Variants in SIPA1L1 observed in about 807,000 individuals in gnomAD.
The protein encoded by SIPA1L1 is signal-induced proliferation-associated 1-like protein 1.
Under a neutral mutation model 162.7 loss-of-function variants are expected in SIPA1L1, and 26 were observed. The ratio of observed to expected loss-of-function variants is 0.16; its 90% CI spans 0.12 to 0.22. The LOEUF is 0.22. Ranked by LOEUF, SIPA1L1 falls within the 10% of genes least tolerant of loss-of-function variation. The pLI, the probability that SIPA1L1 is intolerant of heterozygous loss-of-function variation, is 1.00. For missense variants in SIPA1L1, 1,874 were observed against 2,241.0 expected, an observed-to-expected ratio of 0.84 and a Z score of 3.31; for synonymous variants, 829 against 837.4, an observed-to-expected ratio of 0.99 and a Z score of 0.17.
At chr14:71,697,180 G>A (rs1255521081) in intron 13 of SIPA1L1, among the ~76,000 whole-genome samples, 1 of 152,138 alleles carries the variant, frequency 6.6e-6, no homozygotes, top group Non-Finnish European at 1.5e-5. Flanking sequence ...GAATGGGGTG[G>A]AGAGAGCCTG....
chr14:71,543,481 G>T (rs1234112335), intron 4 of SIPA1L1, among the ~76,000 whole-genome samples: 1 of 152,102 alleles, frequency 6.6e-6, no homozygotes, highest in Non-Finnish European at 1.5e-5. Context: ...TTCTGAAATG[G>T]CTGTGCCATG....
rs538688067 is a variant in SIPA1L1 at position 71,730,534 on chromosome 14, A to G, written c.4861+233A>G. 6.6e-5 allele frequency among the ~76,000 whole-genome samples: 10 copies of G among 152,254 alleles called. No individual in the cohort carries two copies. The South Asian group carries it at 2.1e-3, about 32-fold the overall frequency. On this transcript the variant is annotated intron_variant, in intron 20 of 23. Coordinates refer to ENST00000381232, the MANE Select transcript of SIPA1L1 (RefSeq NM_001386936.1). ...CCCACACTGGACCCAAGACCTCCTG[A>G]GTTTGAATCTCCAAAAGAATAGTCT...
At chr14:71,687,554 A>C (rs551723273) in intron 13 of SIPA1L1, among the ~76,000 whole-genome samples, 1 of 152,310 alleles carries the variant, frequency 6.6e-6, no homozygotes, top group East Asian at 1.9e-4. Flanking sequence ...TTTTGATTCC[A>C]TGTTGAATTT....
In SIPA1L1 at chr14:71,647,258, G is replaced by A. The variant is rs192881475; in HGVS notation, c.1819-3077G>A. Among the ~76,000 whole-genome samples, 353 of 152,032 alleles carry A rather than the reference G, an allele frequency of 2.3e-3. 2 individuals are homozygous for A. The highest frequency in any genetic ancestry group is 4.1e-3 in the Non-Finnish European group (277 of 68,000). ...CATTCCTTTCACAACTGGCAAAACC[G>A]GTTTGTTCTGTCAGCAGGTGGAGCT... On this transcript the variant is annotated intron_variant, in intron 7 of 23. Coordinates refer to ENST00000381232, the MANE Select transcript of SIPA1L1 (RefSeq NM_001386936.1).
At chr14:71,480,583 G>A (rs1567082489) in intron 2 of SIPA1L1, among the ~76,000 whole-genome samples, 1 of 151,560 alleles carries the variant, frequency 6.6e-6, no homozygotes, top group Non-Finnish European at 1.5e-5. Flanking sequence ...CCAACATGGT[G>A]AGACCCCGTC....
intron 4 of SIPA1L1, among the ~76,000 whole-genome samples, chr14:71,545,548 A>G (rs934970690): frequency 3.9e-5 from 6 of 151,916 alleles, no homozygotes; most frequent in Non-Finnish European, 7.4e-5. Flanking sequence ...TATCCTGCAA[A>G]CCTCCTAAAT....
chr14:71,612,072 T>C (rs986042790), intron 5 of SIPA1L1, among the ~76,000 whole-genome samples: 3 of 152,234 alleles, frequency 2.0e-5, no homozygotes, highest in Admixed American at 6.5e-5. Context: ...CCTGCTGATA[T>C]ATGATGAAGC....
chr14:71,447,233 G>A (rs1004043551), intron 2 of SIPA1L1, among the ~76,000 whole-genome samples: 17 of 151,938 alleles, frequency 1.1e-4, no homozygotes, highest in African/African-American at 3.9e-4. Flanking sequence ...TTTTATGTTA[G>A]TATTGTAGTG....
At chr14:71,499,521 A>G (rs1014411449) in intron 2 of SIPA1L1, among the ~76,000 whole-genome samples, 3 of 152,156 alleles carry the variant, frequency 2.0e-5, no homozygotes, top group African/African-American at 7.2e-5. Context: ...GGAATATGTA[A>G]TTGTATCATA....
intron 2 of SIPA1L1, among the ~76,000 whole-genome samples, chr14:71,384,822 G>A (rs942378411): frequency 6.6e-6 from 1 of 152,148 alleles, no homozygotes; most frequent in Non-Finnish European, 1.5e-5. Context: ...CCTGACCCGC[G>A]TTTCCTTTTG....
chr14:71,526,197 C>T (rs1471643076), intron 3 of SIPA1L1, among the ~76,000 whole-genome samples: 2 of 152,120 alleles, frequency 1.3e-5, no homozygotes, highest in East Asian at 3.8e-4. Flanking sequence ...AAATGTTTTA[C>T]TTTTTTTATT....
chr14:71,541,593 C>T (rs1180545146), intron 4 of SIPA1L1, among the ~76,000 whole-genome samples: 2 of 152,072 alleles, frequency 1.3e-5, no homozygotes, highest in Admixed American at 6.6e-5. Context: ...GAGACCCTAT[C>T]GCTACATAAA....
At chr14:71,648,950 CA>C (rs2042395764) in intron 7 of SIPA1L1, among the ~76,000 whole-genome samples, 2 of 152,192 alleles carry the variant, frequency 1.3e-5, no homozygotes, top group East Asian at 1.9e-4. Context: ...ATCTGTCAAA[CA>C]GGGGTAATAT....
At chr14:71,446,865 G>GATCCTGCA (rs1160794547) in intron 2 of SIPA1L1, among the ~76,000 whole-genome samples, 1 of 138,634 alleles carries the variant, frequency 7.2e-6, no homozygotes, top group Non-Finnish European at 1.5e-5. Context: ...GAGTTAAGTA[G>GATCCTGCA]ATCCTGCAAA....
intron 7 of SIPA1L1, among the ~76,000 whole-genome samples, chr14:71,636,556 G>C (rs745591947): frequency 2.6e-5 from 4 of 152,132 alleles, no homozygotes; most frequent in Non-Finnish European, 5.9e-5. Context: ...GGCTGAGGGG[G>C]AAATTGACAG....
At chr14:71,330,410 C>G in intron 2 of SIPA1L1, 3 of 1,284,634 alleles carry the variant, frequency 2.3e-6, no homozygotes, top group Non-Finnish European at 3.4e-6. Flanking sequence ...ATTTCACGAG[C>G]TGTCTTCAGG....
At chr14:71,444,766 A>C (rs1228797072) in intron 2 of SIPA1L1, among the ~76,000 whole-genome samples, 1 of 152,130 alleles carries the variant, frequency 6.6e-6, no homozygotes, top group African/African-American at 2.4e-5. Flanking sequence ...GACCCTTTAG[A>C]CTTTCTACCT....
Position 71,587,850 on chromosome 14 carries a change from T to G in SIPA1L1, c.-23T>G. ...ATATGATGGTCCTTGCTGCAGGGAT[T>G]TAAGTCTACTTGCTTTTACATCATG... On this transcript the variant is annotated 5_prime_UTR_variant, in exon 5 of 24. In the 5' UTR this introduces an upstream ATG that the reference lacks. Coordinates refer to ENST00000381232, the MANE Select transcript of SIPA1L1 (RefSeq NM_001386936.1). 6.3e-7 allele frequency: 1 copy of G among 1,588,250 alleles called. No individual in the cohort carries two copies. The highest frequency in any genetic ancestry group is 1.7e-4 in the Middle Eastern group (1 of 5,862).
intron 2 of SIPA1L1, among the ~76,000 whole-genome samples, chr14:71,490,201 A>C (rs140072870): frequency 6.6e-6 from 1 of 152,364 alleles, no homozygotes; most frequent in East Asian, 1.9e-4. Flanking sequence ...GATTTCATTA[A>C]AAAATAACCT....
Sources: allele counts gnomAD v4.1 joint callset (sites outside exome capture counted in the v4.1 genomes callset), GRCh38; gene constraint gnomAD v4.1.1; transcripts MANE v1.5; gene names NCBI Gene and HGNC (gene_info 2026-07-23, HGNC 2026-07-21).